The following LYRM4 variants were observed in gnomAD, a reference collection of about 807,000 sequenced individuals.
The protein encoded by LYRM4 is LYR motif containing 4.
LYRM4 carries 9 observed loss-of-function variants against 11.7 expected under a neutral mutation model. That is an observed-to-expected ratio of 0.77 (90% CI 0.46 to 1.34). LYRM4 has a LOEUF of 1.34. Ranked by LOEUF, LYRM4 falls within the 40% of genes most tolerant of loss-of-function variation. The pLI, the probability that LYRM4 is intolerant of heterozygous loss-of-function variation, is 0.00. For synonymous variants in LYRM4, 42 were observed against 40.4 expected, an observed-to-expected ratio of 1.04 and a Z score of -0.15; for missense variants, 133 against 112.5, an observed-to-expected ratio of 1.18 and a Z score of -0.82.
intron 2 of LYRM4, among the ~76,000 whole-genome samples, chr6:5,198,969 T>C (rs115270339): frequency 0.012 from 1,754 of 152,322 alleles, 32 homozygotes; most frequent in African/African-American, 0.04. Flanking sequence ...TAATGCACAA[T>C]GGTTCAGCCA....
chr6:5,143,201 A>G (rs1400825757), intron 2 of LYRM4, among the ~76,000 whole-genome samples: 1 of 152,236 alleles, frequency 6.6e-6, no homozygotes, highest in Non-Finnish European at 1.5e-5. Context: ...CTGCACCACA[A>G]GCGGATCTTC....
intron 2 of LYRM4, chr6:5,138,675 C>T: frequency 4.7e-6 from 7 of 1,501,682 alleles, no homozygotes; most frequent in Non-Finnish European, 5.4e-6. Flanking sequence ...ACTGAAAACA[C>T]AAGAAAATAT....
chr6:5,085,831 G>A, the LYRM4 span: 2 of 1,529,066 alleles, frequency 1.3e-6, no homozygotes, highest in Non-Finnish European at 1.8e-6. Context: ...GGGGGCGGAG[G>A]ACGCACAGCT....
At chr6:5,058,113 C>T in the LYRM4 span, among the ~76,000 whole-genome samples, 2 of 152,174 alleles carry the variant, frequency 1.3e-5, no homozygotes, top group African/African-American at 2.4e-5. Flanking sequence ...ACAACATCTC[C>T]TTCATTCCAT....
the LYRM4 span, among the ~76,000 whole-genome samples, chr6:5,068,166 A>G: frequency 6.6e-6 from 1 of 152,338 alleles, no homozygotes; most frequent in Admixed American, 6.5e-5. The surrounding 1 kb of genome is among the most constrained non-coding windows in gnomAD (Gnocchi z 4.0). Flanking sequence ...CTCTGTTTAC[A>G]AACAGGTGTT....
At chr6:5,170,838 A>C (rs1759387285) in intron 2 of LYRM4, among the ~76,000 whole-genome samples, 2 of 152,220 alleles carry the variant, frequency 1.3e-5, no homozygotes, top group Non-Finnish European at 2.9e-5. Context: ...TATAGGATTC[A>C]CAAAGGTGTT....
the LYRM4 span, among the ~76,000 whole-genome samples, chr6:5,041,435 T>C: frequency 6.6e-6 from 1 of 152,266 alleles, no homozygotes; most frequent in Non-Finnish European, 1.5e-5. Flanking sequence ...AAGGCTACTA[T>C]GCCTGGTCTG....
At chr6:5,099,464 G>A (rs556067613), downstream of LYRM4, among the ~76,000 whole-genome samples, 1 of 151,594 alleles carries the variant, frequency 6.6e-6, no homozygotes, top group Admixed American at 6.6e-5. This position sits in a 1 kb window ranked among gnomAD's most constrained non-coding sequence, Gnocchi z 4.3. Context: ...TATTGCCCAA[G>A]CTGATCTTGA....
chr6:5,240,412 T>C (rs1763808092), intron 1 of LYRM4: 2 of 152,218 alleles, frequency 1.3e-5, no homozygotes, highest in South Asian at 4.1e-4. Flanking sequence ...TACCTTAGGA[T>C]ACTCAAACAC....
intron 1 of LYRM4, among the ~76,000 whole-genome samples, chr6:5,222,888 T>C (rs977993255): frequency 6.6e-6 from 1 of 151,312 alleles, no homozygotes; most frequent in Non-Finnish European, 1.5e-5. Flanking sequence ...ATTAAATACG[T>C]TGGTGAGAAA....
intron 2 of LYRM4, among the ~76,000 whole-genome samples, chr6:5,175,901 G>A (rs1388630460): frequency 6.6e-6 from 1 of 152,052 alleles, no homozygotes. Flanking sequence ...TGCTGATCCT[G>A]GCCTAGGCAC....
chr6:5,153,279 T>C (rs978830185), intron 2 of LYRM4, among the ~76,000 whole-genome samples: 1 of 152,124 alleles, frequency 6.6e-6, no homozygotes, highest in Non-Finnish European at 1.5e-5. Flanking sequence ...TTAGGAGAGA[T>C]GGTGTTTTGC....
In LYRM4 at chr6:5,228,315, C is replaced by T. The variant is rs567950537; in HGVS notation, c.87-11577G>A. ...TTTTTGAGATAGAGTCTTGCTCTAT[C>T]GTCCAGGCTGCAGTGCAGTAATGCG... On this transcript the variant is annotated intron_variant, in intron 1 of 2. Transcript: ENST00000330636. Among the ~76,000 whole-genome samples, 6 of 151,988 alleles carry T rather than the reference C, an allele frequency of 3.9e-5. No individual in the cohort carries two copies. In the South Asian group the frequency reaches 8.3e-4, roughly 21 times the overall value.
chr6:5,038,123 A>G, the LYRM4 span, among the ~76,000 whole-genome samples: 1 of 59,918 alleles, frequency 1.7e-5, no homozygotes, highest in African/African-American at 4.5e-5. Flanking sequence ...CTCACCTCCC[A>G]GACAGGGTTG....
At chr6:5,231,394 C>T (rs1763234410) in intron 1 of LYRM4, among the ~76,000 whole-genome samples, 1 of 152,256 alleles carries the variant, frequency 6.6e-6, no homozygotes, top group Non-Finnish European at 1.5e-5. Flanking sequence ...TTTAAAAGGA[C>T]AGCAAGGGAA....
chr6:5,132,411 A>G (rs1463145237), intron 2 of LYRM4, among the ~76,000 whole-genome samples: 1 of 151,866 alleles, frequency 6.6e-6, no homozygotes, highest in Non-Finnish European at 1.5e-5. Context: ...TCTAGCACTT[A>G]AAAAAAACAA....
chr6:5,203,230 A>T (rs1157052515), intron 2 of LYRM4, among the ~76,000 whole-genome samples: 2 of 152,230 alleles, frequency 1.3e-5, no homozygotes, highest in Non-Finnish European at 2.9e-5. Flanking sequence ...AATCCAAGGA[A>T]AATTTCACTG....
intron 1 of LYRM4, among the ~76,000 whole-genome samples, chr6:5,243,068 C>T (rs1763980954): frequency 6.6e-6 from 1 of 152,180 alleles, no homozygotes; most frequent in Non-Finnish European, 1.5e-5. Context: ...CCACCGCGCC[C>T]GGCCAGGATT....
chr6:5,160,062 T>C (rs1758660999), intron 2 of LYRM4, among the ~76,000 whole-genome samples: 1 of 152,196 alleles, frequency 6.6e-6, no homozygotes, highest in Non-Finnish European at 1.5e-5. Flanking sequence ...CATCCGGAAG[T>C]GAGGTCTTAC....
Sources: allele counts gnomAD v4.1 joint callset (sites outside exome capture counted in the v4.1 genomes callset), GRCh38; gene constraint gnomAD v4.1.1; non-coding constraint Gnocchi (gnomAD v3.1); transcripts MANE v1.5; gene names NCBI Gene and HGNC (gene_info 2026-07-23, HGNC 2026-07-21).